The following SHROOM3 variants were observed in gnomAD, a reference collection of about 807,000 sequenced individuals.
The protein encoded by SHROOM3 is protein Shroom3.
SHROOM3 carries 47 observed loss-of-function variants against 138.6 expected under a neutral mutation model. The ratio of observed to expected loss-of-function variants is 0.34; its 90% CI spans 0.27 to 0.43. The LOEUF (loss-of-function observed/expected upper bound fraction) is 0.43, where lower values mean the gene tolerates loss of function less well. SHROOM3 is among the 20% of genes least tolerant of loss of function. The pLI is 1.00. For synonymous variants in SHROOM3, 1,062 were observed against 1,063.3 expected (o/e 1.00, Z 0.02); for missense variants, 2,491 against 2,596.5 (o/e 0.96, Z 0.88).
intron 1 of SHROOM3, among the ~76,000 whole-genome samples, chr4:76,500,826 G>T (rs543767737): frequency 2.6e-4 from 39 of 148,820 alleles, no homozygotes; most frequent in African/African-American, 9.4e-4. Flanking sequence ...TTTTGTTTTT[G>T]AGACAAGTGT....
At chr4:76,623,218 A>G (rs1735046911) in intron 2 of SHROOM3, among the ~76,000 whole-genome samples, 1 of 152,102 alleles carries the variant, frequency 6.6e-6, no homozygotes, top group Admixed American at 6.5e-5. Context: ...TCCCTATAAC[A>G]GGTATCTCCT....
At chr4:76,689,745 C>T (rs1212585715) in intron 2 of SHROOM3, 7 of 985,246 alleles carry the variant, frequency 7.1e-6, no homozygotes, top group Non-Finnish European at 7.2e-6. Flanking sequence ...GAGGCGGGGG[C>T]CGGCCGGCTG....
Position 76,741,698 on chromosome 4 carries a change from C to T in SHROOM3, c.3525C>T (p.Ala1175=), listed in dbSNP as rs376437841. 194 of 1,551,966 alleles carry T rather than the reference C, an allele frequency of 1.3e-4. No homozygotes were observed. The African/African-American group carries it at 2.3e-3, about 19-fold the overall frequency. ...QAPRDRSSSF[A]GGRRLGERRR... ...CCCGAGATCGCAGCAGCTCCTTCGC[C>T]GGTGGCCGCCGCCTCGGGGAACGGC... The change falls in exon 5 of 11, where the codon GCC becomes GCT. Residue 1175 remains alanine, a synonymous_variant. Coordinates refer to ENST00000296043, the MANE Select transcript of SHROOM3 (RefSeq NM_020859.4). The surrounding 1 kb of genome is among the most constrained non-coding windows in gnomAD (Gnocchi z 6.2).
chr4:76,768,380 G>C (rs1722231794), intron 9 of SHROOM3, among the ~76,000 whole-genome samples: 1 of 152,180 alleles, frequency 6.6e-6, no homozygotes, highest in African/African-American at 2.4e-5. Context: ...AAATTTCATA[G>C]CTTCCAGCCA....
At chr4:76,591,099 G>A (rs1372508578) in intron 2 of SHROOM3, among the ~76,000 whole-genome samples, 2 of 152,100 alleles carry the variant, frequency 1.3e-5, no homozygotes, top group South Asian at 2.1e-4. Context: ...AAAAACTGAG[G>A]TTTTTCCTCA....
At chr4:76,748,813 G>GA (rs1721529763) in intron 5 of SHROOM3, among the ~76,000 whole-genome samples, 1 of 116,250 alleles carries the variant, frequency 8.6e-6, no homozygotes, top group Non-Finnish European at 1.7e-5. Context: ...TTCTGACTCT[G>GA]CTTTTTTTTT....
intron 2 of SHROOM3, among the ~76,000 whole-genome samples, chr4:76,697,994 C>G (rs767857952): frequency 9.3e-4 from 141 of 152,238 alleles, no homozygotes; most frequent in Non-Finnish European, 1.6e-3. Flanking sequence ...GAACTATAGT[C>G]ACAAACACTT....
intron 1 of SHROOM3, among the ~76,000 whole-genome samples, chr4:76,465,640 A>G (rs1360892651): frequency 6.6e-6 from 1 of 152,106 alleles, no homozygotes; most frequent in African/African-American, 2.4e-5. Flanking sequence ...CTGATACCTC[A>G]CTTGTTTATC....
chr4:76,771,041 C>G, intron 10 of SHROOM3, 143 bp downstream of exon 10: 5 of 1,105,580 alleles, frequency 4.5e-6, no homozygotes, highest in Non-Finnish European at 6.8e-6. Flanking sequence ...TATAGGTAAC[C>G]AAGAAACAGA....
chr4:76,555,487 G>T, intron 1 of SHROOM3, 122 bp from the exon 2 acceptor site: 1 of 1,414,238 alleles, frequency 7.1e-7, no homozygotes, highest in South Asian at 1.2e-5. Flanking sequence ...GCAAGCGCTG[G>T]GGTGTGGCCC....
Position 76,555,719 on chromosome 4 carries a change from C to G in SHROOM3, c.279C>G (p.Ser93=), listed in dbSNP as rs757552153. Residue 93 remains serine, a synonymous_variant, in exon 2 of 11, where the codon TCC becomes TCG. Coordinates refer to ENST00000296043, the MANE Select transcript of SHROOM3 (RefSeq NM_020859.4). The stretch of plus-strand genomic sequence containing the variant: ...GCAGCTCCAGAAAGGAGGCAGTTTC[C>G]CTGGTGAAAGGATCCTACAAGACCC... ...TLSSSRKEAV[S]LVKGSYKTLR... 9 of 1,613,894 alleles carry G rather than the reference C, an allele frequency of 5.6e-6. No homozygotes were observed. The Admixed American group carries it at 1.3e-4, about 24-fold the overall frequency.
At chr4:76,464,935 A>G (rs1410683012) in intron 1 of SHROOM3, among the ~76,000 whole-genome samples, 4 of 152,208 alleles carry the variant, frequency 2.6e-5, no homozygotes, top group Admixed American at 6.5e-5. Context: ...AATCTCAGGT[A>G]GTTCTTTATA....
intron 2 of SHROOM3, among the ~76,000 whole-genome samples, chr4:76,568,192 C>T (rs1472561792): frequency 6.6e-6 from 1 of 152,200 alleles, no homozygotes. Context: ...GAGCCAGCTC[C>T]AAGCCAGGCT....
At chr4:76,694,416 G>A (rs547627928) in intron 2 of SHROOM3, among the ~76,000 whole-genome samples, 1 of 152,204 alleles carries the variant, frequency 6.6e-6, no homozygotes, top group Non-Finnish European at 1.5e-5. Flanking sequence ...TTACAGTGGA[G>A]GTTTAAAATC....
At chr4:76,484,613 A>AACG (rs1391535968) in intron 1 of SHROOM3, among the ~76,000 whole-genome samples, 1 of 115,600 alleles carries the variant, frequency 8.7e-6, no homozygotes, top group Non-Finnish European at 1.8e-5. Context: ...ACAAACAAAA[A>AACG]GTCTTAGGAG....
At chr4:76,459,229 T>G (rs1472661388) in intron 1 of SHROOM3, among the ~76,000 whole-genome samples, 1 of 152,174 alleles carries the variant, frequency 6.6e-6, no homozygotes, top group African/African-American at 2.4e-5. Context: ...GGTAACATAA[T>G]CTCTGATGTG....
At chr4:76,639,913 T>C (rs1012696623) in intron 2 of SHROOM3, among the ~76,000 whole-genome samples, 3 of 152,210 alleles carry the variant, frequency 2.0e-5, no homozygotes, top group Non-Finnish European at 4.4e-5. Flanking sequence ...CAAAATAATG[T>C]CTGCTTGTTC....
chr4:76,482,074 A>G (rs1295294094), intron 1 of SHROOM3, among the ~76,000 whole-genome samples: 1 of 152,242 alleles, frequency 6.6e-6, no homozygotes, highest in Non-Finnish European at 1.5e-5. Context: ...AGCTGGAAGC[A>G]TTCCCTTTGA....
chr4:76,558,129 G>A (rs532203948), intron 2 of SHROOM3, among the ~76,000 whole-genome samples: 10 of 152,324 alleles, frequency 6.6e-5, no homozygotes, highest in African/African-American at 2.2e-4. Context: ...TTGGCCTCTG[G>A]AAAGGGCTGC....
Sources: gnomAD v4.1 joint callset for allele counts (sites outside exome capture counted in the v4.1 genomes callset) on GRCh38, gnomAD v4.1.1 for gene constraint, Gnocchi (gnomAD v3.1) non-coding constraint, MANE v1.5 for transcripts, NCBI Gene and HGNC (gene_info 2026-07-23, HGNC 2026-07-21) for gene names.